The following EYS variants were observed in gnomAD, a reference collection of about 807,000 sequenced individuals.
The protein encoded by EYS is EGF-like photoreceptor maintenance factor, also known as protein eyes shut homolog.
Under a neutral mutation model 282.1 loss-of-function variants are expected in EYS, and 250 were observed. The ratio of observed to expected loss-of-function variants is 0.89; its 90% CI spans 0.80 to 0.98. The LOEUF is 0.98. Ranked by LOEUF, EYS falls within the 50% of genes least tolerant of loss-of-function variation. The probability of loss-of-function intolerance (pLI) is 0.00; values close to 1 mark genes in which losing one functional copy is unlikely to be tolerated. For synonymous variants in EYS, 1,355 were observed against 1,282.9 expected (o/e 1.06, Z -1.20); for missense variants, 4,016 against 3,709.0 (o/e 1.08, Z -2.15).
Position 65,525,373 on chromosome 6 carries a change from T to A in EYS, c.-332-29380A>T, listed in dbSNP as rs75471217. Among the ~76,000 whole-genome samples the A allele has an allele frequency of 3.5e-3, 537 of 152,274 alleles. 3 individuals are homozygous for A. The highest frequency in any genetic ancestry group is 0.012 in the African/African-American group (491 of 41,570). On this transcript the variant is annotated intron_variant, in intron 2 of 42. Coordinates refer to ENST00000503581, the MANE Select transcript of EYS (RefSeq NM_001142800.2). The stretch of plus-strand genomic sequence containing the variant: ...TTTGCCCATTCAGAAAGGTCTATTA[T>A]ACACACCTCTTACCAGACCTCCTCA...
intron 2 of EYS, among the ~76,000 whole-genome samples, chr6:65,618,238 C>G (rs570338427): frequency 1.7e-4 from 26 of 152,306 alleles, no homozygotes; most frequent in Admixed American, 1.0e-3. Context: ...TTTTAATGAT[C>G]GCCATTCTAA....
rs535104511 is a variant in EYS at position 63,976,729 on chromosome 6, GT to G, written c.7055+7653del. On this transcript the variant is annotated intron_variant, in intron 35 of 42. Coordinates refer to ENST00000503581, the MANE Select transcript of EYS (RefSeq NM_001142800.2). The stretch of plus-strand genomic sequence containing the variant: ...GTTTATACAATTGTATAAAAATCAT[GT>G]TTATAACTTTTTGAAAATTAAACTT... 1.4e-3 allele frequency among the ~76,000 whole-genome samples: 214 copies of G among 152,034 alleles called. 1 individual carries two copies. The highest frequency in any genetic ancestry group is 4.9e-3 in the African/African-American group (204 of 41,508).
chr6:65,390,980 C>T (rs865798435), intron 7 of EYS, among the ~76,000 whole-genome samples: 38 of 152,038 alleles, frequency 2.5e-4, no homozygotes, highest in Middle Eastern at 3.2e-3. Context: ...TGGAAGAATA[C>T]TGGATATTAA....
intron 13 of EYS, among the ~76,000 whole-genome samples, chr6:65,055,566 A>G (rs966629087): frequency 6.6e-6 from 1 of 151,978 alleles, no homozygotes; most frequent in Non-Finnish European, 1.5e-5. Context: ...ATCTCTTCCA[A>G]GATACCATAT....
chr6:64,628,675 G>C (rs1369679388), intron 22 of EYS, among the ~76,000 whole-genome samples: 1 of 151,936 alleles, frequency 6.6e-6, no homozygotes, highest in Non-Finnish European at 1.5e-5. Flanking sequence ...TTATATTCTT[G>C]GCAGAGTTAT....
At chr6:65,430,462 T>C (rs1767841853) in intron 5 of EYS, among the ~76,000 whole-genome samples, 1 of 152,128 alleles carries the variant, frequency 6.6e-6, no homozygotes, top group African/African-American at 2.4e-5. Flanking sequence ...GCATAAGGCA[T>C]AAGTTTCTAG....
chr6:63,911,204 G>T (rs1342564023), intron 35 of EYS, among the ~76,000 whole-genome samples: 1 of 151,368 alleles, frequency 6.6e-6, no homozygotes, highest in Non-Finnish European at 1.5e-5. Context: ...AGCTTTATCA[G>T]CTCCATTAGC....
chr6:65,696,848 C>G (rs2149848782), intron 1 of EYS, among the ~76,000 whole-genome samples: 1 of 152,082 alleles, frequency 6.6e-6, no homozygotes, highest in South Asian at 2.1e-4. Flanking sequence ...ATTTAAAAAT[C>G]ATCCAGAGTA....
At chr6:65,314,590 G>GTC (rs1769250961) in intron 11 of EYS, among the ~76,000 whole-genome samples, 1 of 147,638 alleles carries the variant, frequency 6.8e-6, no homozygotes, top group Non-Finnish European at 1.5e-5. Flanking sequence ...GTGTGTGTGT[G>GTC]TGTGTGTGTG....
chr6:64,187,820 TAG>T (rs953559161), intron 31 of EYS, among the ~76,000 whole-genome samples: 1 of 151,274 alleles, frequency 6.6e-6, no homozygotes, highest in Non-Finnish European at 1.5e-5. Context: ...AGAAAGTAAT[TAG>T]ACAGATTTTT....
At chr6:65,288,699 C>A (rs1236967758) in intron 12 of EYS, among the ~76,000 whole-genome samples, 1 of 150,900 alleles carries the variant, frequency 6.6e-6, no homozygotes, top group East Asian at 1.9e-4. Context: ...TAAAATAGTA[C>A]AATGTGAGTA....
At chr6:64,987,815 T>C (rs1056272593) in intron 14 of EYS, among the ~76,000 whole-genome samples, 14 of 151,478 alleles carry the variant, frequency 9.2e-5, no homozygotes, top group Non-Finnish European at 1.9e-4. Flanking sequence ...TAGTCCTTGA[T>C]TGTATATAGT....
At chr6:65,624,022 A>G (rs1582534500) in intron 2 of EYS, among the ~76,000 whole-genome samples, 1 of 152,336 alleles carries the variant, frequency 6.6e-6, no homozygotes, top group South Asian at 2.1e-4. Flanking sequence ...ATAGATAGAT[A>G]GGCAGACAGG....
chr6:65,072,878 T>C (rs1773940143), intron 12 of EYS, among the ~76,000 whole-genome samples: 1 of 151,496 alleles, frequency 6.6e-6, no homozygotes, highest in South Asian at 2.1e-4. Flanking sequence ...TAGGCAAATA[T>C]TGAAACTATG....
chr6:65,511,366 T>TGAGA (rs1157546569), intron 2 of EYS, among the ~76,000 whole-genome samples: 21 of 145,898 alleles, frequency 1.4e-4, no homozygotes, highest in South Asian at 4.5e-4. Flanking sequence ...TGTGTGTGTG[T>TGAGA]GAGAGAGAGA....
chr6:64,604,182 T>C (rs17482604), intron 24 of EYS, among the ~76,000 whole-genome samples: 15,173 of 152,004 alleles, frequency 0.1, 901 homozygotes, highest in Non-Finnish European at 0.13. Flanking sequence ...CAACGTAACA[T>C]TGTTTTATTT....
chr6:64,233,993 C>G (rs1377287970), intron 30 of EYS, among the ~76,000 whole-genome samples: 1 of 152,152 alleles, frequency 6.6e-6, no homozygotes, highest in African/African-American at 2.4e-5. Context: ...TTGTCTGGCA[C>G]AAATGTTTAG....
chr6:64,405,591 C>T (rs146600163), intron 28 of EYS, among the ~76,000 whole-genome samples: 186 of 152,236 alleles, frequency 1.2e-3, no homozygotes, highest in Non-Finnish European at 2.0e-3. Context: ...ATCATCTCAG[C>T]CCAAAATCTC....
intron 10 of EYS, among the ~76,000 whole-genome samples, chr6:65,340,826 T>C (rs1021784214): frequency 6.6e-6 from 1 of 151,112 alleles, no homozygotes; most frequent in African/African-American, 2.4e-5. Context: ...GGAGGGTAAA[T>C]AGTGAATAAA....
Sources: allele counts gnomAD v4.1 joint callset (sites outside exome capture counted in the v4.1 genomes callset), GRCh38; gene constraint gnomAD v4.1.1; transcripts MANE v1.5; gene names NCBI Gene and HGNC (gene_info 2026-07-23, HGNC 2026-07-21).